Variants in DOCK9 observed in about 807,000 individuals in gnomAD.
DOCK9 encodes dedicator of cytokinesis 9, also known as dedicator of cytokinesis protein 9.
A neutral mutation model predicts 263.3 loss-of-function variants in DOCK9; 89 were observed. That is an observed-to-expected ratio of 0.34 (90% confidence interval 0.28 to 0.40). The LOEUF (loss-of-function observed/expected upper bound fraction) is 0.40, where lower values mean the gene tolerates loss of function less well. DOCK9 is among the 10% of genes least tolerant of loss of function. DOCK9 has a pLI of 1.00. For synonymous variants in DOCK9, 976 were observed against 973.1 expected (o/e 1.00, Z -0.06); for missense variants, 2,140 against 2,603.4 (o/e 0.82, Z 3.87).
At chr13:98,833,420 T>C (rs1483825426) in intron 39 of DOCK9, among the ~76,000 whole-genome samples, 6 of 152,202 alleles carry the variant, frequency 3.9e-5, no homozygotes, top group Non-Finnish European at 8.8e-5. Context: ...ATACGGTTTC[T>C]ACAAAAATTC....
rs530136624 is a variant in DOCK9 at position 98,848,784 on chromosome 13, T to C, written c.4014-145A>G. 15 of 872,206 alleles carry C rather than the reference T, an allele frequency of 1.7e-5. No individual in the cohort carries two copies. In the Admixed American group the frequency reaches 3.2e-4, roughly 19 times the overall value. 54.0% of individuals were successfully genotyped at this position (872,206 alleles called of 1,614,324 possible). A position where few individuals can be genotyped will look rare whatever the true frequency, so the allele number is the denominator to read the frequency against. On this transcript the variant is annotated intron_variant, in intron 36 of 52. Coordinates refer to ENST00000682017, the MANE Select transcript of DOCK9 (RefSeq NM_001366683.2). ...CATCCTCATTCATTCAGAATGGTTT[T>C]TGGGAGTCCTCTGGAAAGTGCCTTC... is the stretch of plus-strand genomic sequence containing the variant.
chr13:98,800,758 T>C (rs1594113962), intron 49 of DOCK9, among the ~76,000 whole-genome samples: 2 of 152,098 alleles, frequency 1.3e-5, no homozygotes, highest in Admixed American at 6.5e-5. Context: ...CATTCCCCAC[T>C]CAAACCTTCC....
intron 1 of DOCK9, among the ~76,000 whole-genome samples, chr13:99,017,179 A>G (rs1009457392): frequency 1.3e-5 from 2 of 152,244 alleles, no homozygotes; most frequent in Admixed American, 6.5e-5. Flanking sequence ...CTGTGAAAAC[A>G]GAGCTATAGG....
At chr13:98,868,147 T>G (rs1312922031) in intron 28 of DOCK9, 84 bp downstream of exon 28, 1 of 1,569,434 alleles carries the variant, frequency 6.4e-7, no homozygotes, top group Non-Finnish European at 8.7e-7. Flanking sequence ...GAGCACCTAC[T>G]CTATTCTAGT....
chr13:98,855,133 G>A (rs1208649654), intron 34 of DOCK9, among the ~76,000 whole-genome samples: 2 of 152,222 alleles, frequency 1.3e-5, no homozygotes, highest in Non-Finnish European at 2.9e-5. Flanking sequence ...AGGAGGAAGT[G>A]TTGTGTTGTG....
intron 1 of DOCK9, among the ~76,000 whole-genome samples, chr13:98,972,539 T>C (rs1184158674): frequency 6.6e-6 from 1 of 152,180 alleles, no homozygotes; most frequent in Non-Finnish European, 1.5e-5. Context: ...GGTAATTAGA[T>C]TCACTCGGAC....
chr13:98,906,166 A>C lies in DOCK9; in HGVS notation c.961-1460T>G, dbSNP rs1300799419. ...ACTGGAAACATCCAATAGACAGCTA[A>C]AGGGATGAAACTTAAGCGCAAGGCT... On this transcript the variant is annotated intron_variant, in intron 9 of 52. Transcript: ENST00000682017. Among the ~76,000 whole-genome samples, 3 of 152,178 alleles carry C rather than the reference A, an allele frequency of 2.0e-5. No homozygotes were observed. In the East Asian group the frequency reaches 5.8e-4, roughly 29 times the overall value.
chr13:98,906,672 T>C (rs1485271766), intron 9 of DOCK9, among the ~76,000 whole-genome samples: 2 of 152,248 alleles, frequency 1.3e-5, no homozygotes, highest in Non-Finnish European at 2.9e-5. Context: ...ATTACATTTC[T>C]AATCATGGAT....
At chr13:98,848,769 C>CTGA in intron 36 of DOCK9, 130 bp from the exon 37 acceptor site, 1 of 986,178 alleles carries the variant, frequency 1.0e-6, no homozygotes, top group Non-Finnish European at 1.5e-6. Context: ...CATCCTCATT[C>CTGA]ATTCAGAATG....
At chr13:98,868,142 C>T in intron 28 of DOCK9, 89 bp downstream of exon 28, 1 of 1,560,938 alleles carries the variant, frequency 6.4e-7, no homozygotes, top group Non-Finnish European at 8.8e-7. Context: ...TGCCAGAGCA[C>T]CTACTCTATT....
intron 43 of DOCK9, among the ~76,000 whole-genome samples, chr13:98,827,271 T>C (rs2140841946): frequency 6.6e-6 from 1 of 152,392 alleles, no homozygotes; most frequent in South Asian, 2.1e-4. Context: ...TCTGAGAGAA[T>C]GGCTCAAATT....
intron 1 of DOCK9, among the ~76,000 whole-genome samples, chr13:98,995,808 G>T (rs1315133806): frequency 7.9e-5 from 12 of 152,108 alleles, no homozygotes; most frequent in Admixed American, 5.9e-4. Context: ...TTTAAACATG[G>T]CTAGAAGGAG....
At chr13:98,817,346 T>C (rs922662778) in intron 45 of DOCK9, among the ~76,000 whole-genome samples, 1 of 151,962 alleles carries the variant, frequency 6.6e-6, no homozygotes. Flanking sequence ...CCATGCTTCC[T>C]GTTAAACCTG....
chr13:99,082,564 TA>T (rs200598443), intron 1 of DOCK9, among the ~76,000 whole-genome samples: 9 of 22,960 alleles, frequency 3.9e-4, no homozygotes, highest in Non-Finnish European at 6.4e-4. Context: ...AATAAATAAA[TA>T]AAAAAAAACA....
intron 2 of DOCK9, among the ~76,000 whole-genome samples, chr13:98,941,086 G>C (rs764742501): frequency 4.5e-4 from 68 of 152,140 alleles, no homozygotes; most frequent in Non-Finnish European, 3.4e-4. Flanking sequence ...TAATGCACCA[G>C]GCCCCTCTGA....
chr13:99,047,214 T>C (rs892008839), intron 1 of DOCK9, among the ~76,000 whole-genome samples: 3 of 152,198 alleles, frequency 2.0e-5, no homozygotes, highest in African/African-American at 7.2e-5. Flanking sequence ...TAGGGCCTAT[T>C]TAGAAAATTT....
In DOCK9 at chr13:98,898,101, C is replaced by G. The variant is rs1271351161; in HGVS notation, c.1586+78G>C. The G allele has an allele frequency of 4.1e-6, 4 of 986,262 alleles. No homozygotes were observed. In the East Asian group the frequency reaches 7.8e-5, roughly 19 times the overall value. 61.1% of individuals were successfully genotyped at this position (986,262 alleles called of 1,614,324 possible). On this transcript the variant is annotated intron_variant, in intron 14 of 52. Transcript: ENST00000682017. ...CATTCAAATCCTCTTTGTCTCTGAA[C>G]AACAAACAGAATAGGCCTATTGACC...
chr13:99,049,511 A>T (rs1187985015), intron 1 of DOCK9, among the ~76,000 whole-genome samples: 2 of 152,196 alleles, frequency 1.3e-5, no homozygotes, highest in South Asian at 4.1e-4. Flanking sequence ...AAGGCTACTG[A>T]TGTAACAGCT....
intron 9 of DOCK9, among the ~76,000 whole-genome samples, chr13:98,906,737 G>A (rs1375384963): frequency 6.6e-6 from 1 of 152,172 alleles, no homozygotes; most frequent in Non-Finnish European, 1.5e-5. Context: ...GTATATAATA[G>A]GTCTTTAGCA....
Sources: allele counts gnomAD v4.1 joint callset (sites outside exome capture counted in the v4.1 genomes callset), GRCh38; gene constraint gnomAD v4.1.1; transcripts MANE v1.5; gene names NCBI Gene and HGNC (gene_info 2026-07-23, HGNC 2026-07-21).